COL19A1: variants seen among roughly 807,000 people sequenced by gnomAD.
The protein encoded by COL19A1 is collagen alpha-1(XIX) chain.
A neutral mutation model predicts 190.2 loss-of-function variants in COL19A1; 159 were observed. The ratio of observed to expected loss-of-function variants is 0.84; its 90% CI spans 0.73 to 0.95. The LOEUF (loss-of-function observed/expected upper bound fraction) is 0.95, where lower values mean the gene tolerates loss of function less well. Ranked by LOEUF, COL19A1 falls within the 40% of genes least tolerant of loss-of-function variation. The pLI is 0.00. For synonymous variants in COL19A1, 509 were observed against 458.9 expected, an observed-to-expected ratio of 1.11 and a Z score of -1.39; for missense variants, 1,418 against 1,431.9, an observed-to-expected ratio of 0.99 and a Z score of 0.16.
intron 9 of COL19A1, among the ~76,000 whole-genome samples, chr6:69,945,639 A>G (rs1366220931): frequency 1.3e-5 from 2 of 151,996 alleles, no homozygotes; most frequent in Non-Finnish European, 2.9e-5. Context: ...TTCTAATCCC[A>G]TATTGAATAT....
At chr6:70,171,815 A>T (rs1765517741) in intron 40 of COL19A1, 149 bp from the exon 41 acceptor site, 4 of 665,380 alleles carry the variant, frequency 6.0e-6, no homozygotes, top group Non-Finnish European at 5.4e-6. Context: ...ATAATACATT[A>T]CTTAAAAATA....
At chr6:69,908,209 G>C (rs1770686032) in intron 4 of COL19A1, among the ~76,000 whole-genome samples, 1 of 152,184 alleles carries the variant, frequency 6.6e-6, no homozygotes, top group South Asian at 2.1e-4. Flanking sequence ...CTGAAAACTT[G>C]TTCAGAACTC....
At chr6:70,060,214 A>G (rs960246213) in intron 14 of COL19A1, among the ~76,000 whole-genome samples, 1 of 152,216 alleles carries the variant, frequency 6.6e-6, no homozygotes, top group Non-Finnish European at 1.5e-5. Context: ...CAAGTTTTGA[A>G]AATAAAAATG....
At chr6:69,910,972 A>G (rs1172627577) in intron 4 of COL19A1, among the ~76,000 whole-genome samples, 1 of 152,224 alleles carries the variant, frequency 6.6e-6, no homozygotes, top group Non-Finnish European at 1.5e-5. Flanking sequence ...TCTTAAATTT[A>G]TGAATTAGAG....
chr6:70,142,819 T>C lies in COL19A1; in HGVS notation c.1625T>C (p.Val542Ala), dbSNP rs1337881663. ...SMGPRGPPGDVGLPGEHGIPG... is the reference protein window; with the variant it reads ...SMGPRGPPGDAGLPGEHGIPG... ...GGACCCAGAGGACCGCCAGGAGATG[T>C]TGTATGTATAATGTCTTTGATATTT... Residue 542 changes from valine to alanine, a missense_variant and splice_region_variant, in exon 23 of 51, where the codon GTT (valine) becomes GCT (alanine). Transcript: ENST00000620364. The C allele has an allele frequency of 6.2e-7, 1 of 1,611,820 alleles. No homozygotes were observed. Among genetic ancestry groups the C allele is most frequent in the Admixed American group, 1.7e-5 (1 of 59,784 alleles).
intron 16 of COL19A1, among the ~76,000 whole-genome samples, chr6:70,114,071 G>A (rs927738227): frequency 4.0e-5 from 6 of 151,684 alleles, no homozygotes; most frequent in Admixed American, 2.6e-4. Flanking sequence ...AGCTGGTCTC[G>A]AACTCCTGAG....
intron 14 of COL19A1, among the ~76,000 whole-genome samples, chr6:70,055,518 A>G (rs932194651): frequency 1.3e-5 from 2 of 152,096 alleles, no homozygotes; most frequent in Admixed American, 1.3e-4. Flanking sequence ...CTGGTGGCTC[A>G]TGCTTGTAAT....
chr6:69,997,014 C>T (rs866090003), intron 11 of COL19A1, among the ~76,000 whole-genome samples: 1 of 142,686 alleles, frequency 7.0e-6, no homozygotes, highest in East Asian at 2.0e-4. Context: ...TTTATATATA[C>T]ATATATATAT....
chr6:70,046,863 A>T (rs1310565916), intron 14 of COL19A1, among the ~76,000 whole-genome samples: 3 of 152,178 alleles, frequency 2.0e-5, no homozygotes, highest in African/African-American at 7.2e-5. Context: ...AGCCAAATAC[A>T]GTCAAATAAT....
intron 11 of COL19A1, among the ~76,000 whole-genome samples, chr6:69,988,688 A>G (rs796406146): frequency 5.3e-5 from 8 of 152,256 alleles, no homozygotes; most frequent in African/African-American, 1.7e-4. Flanking sequence ...GATTCAAAAC[A>G]AACCTCTTCC....
intron 48 of COL19A1, among the ~76,000 whole-genome samples, chr6:70,197,555 A>G (rs1199568820): frequency 6.6e-6 from 1 of 152,250 alleles, no homozygotes; most frequent in Non-Finnish European, 1.5e-5. Flanking sequence ...TTGATGTAAT[A>G]AAGATATTAT....
intron 11 of COL19A1, among the ~76,000 whole-genome samples, chr6:70,019,501 TATA>T (rs1778301518): frequency 6.6e-6 from 1 of 152,160 alleles, no homozygotes; most frequent in African/African-American, 2.4e-5. Context: ...TACTTAAGAA[TATA>T]ATATTTCATA....
intron 19 of COL19A1, among the ~76,000 whole-genome samples, chr6:70,138,749 A>C (rs566048068): frequency 4.0e-4 from 61 of 152,204 alleles, no homozygotes; most frequent in African/African-American, 1.4e-3. Flanking sequence ...TATGTACCCC[A>C]GTTCTTCTAC....
chr6:69,879,588 G>C lies in COL19A1; in HGVS notation c.21G>C (p.Trp7Cys). 1 of 1,614,076 alleles carries C rather than the reference G, an allele frequency of 6.2e-7. No homozygotes were observed. The highest frequency in any genetic ancestry group is 8.5e-7 in the Non-Finnish European group (1 of 1,179,980). MRLTGP[W>C]KLWLWMSIFL... ...GCACAATGAGACTCACTGGCCCTTG[G>C]AAACTTTGGCTTTGGATGTCAATAT... Residue 7 changes from tryptophan to cysteine, a missense_variant, in exon 2 of 51, where the codon TGG becomes TGC. By Grantham distance (215) the Trp-to-Cys change is radical. Coordinates refer to ENST00000620364, the MANE Select transcript of COL19A1 (RefSeq NM_001858.6).
intron 14 of COL19A1, among the ~76,000 whole-genome samples, chr6:70,056,263 A>C (rs1031104224): frequency 3.3e-5 from 5 of 152,192 alleles, no homozygotes; most frequent in African/African-American, 1.2e-4. Context: ...CTTGATTGAT[A>C]GTTTATCTGA....
intron 4 of COL19A1, among the ~76,000 whole-genome samples, chr6:69,908,360 A>G (rs1393094539): frequency 6.6e-6 from 1 of 151,942 alleles, no homozygotes; most frequent in South Asian, 2.1e-4. Flanking sequence ...ATTTTCCTAT[A>G]TAAGGATAGG....
intron 11 of COL19A1, among the ~76,000 whole-genome samples, chr6:70,003,275 G>A (rs1777389190): frequency 6.6e-6 from 1 of 152,182 alleles, no homozygotes; most frequent in African/African-American, 2.4e-5. Context: ...TTGCTGAGGA[G>A]TGTTTTACTT....
chr6:70,128,602 C>T (rs1785338476), intron 17 of COL19A1, among the ~76,000 whole-genome samples: 1 of 152,158 alleles, frequency 6.6e-6, no homozygotes, highest in African/African-American at 2.4e-5. Flanking sequence ...TAGGAGTAAA[C>T]AGGAGTTACA....
intron 1 of COL19A1, among the ~76,000 whole-genome samples, chr6:69,877,785 C>T (rs915425532): frequency 6.6e-6 from 1 of 151,978 alleles, no homozygotes; most frequent in African/African-American, 2.4e-5. Flanking sequence ...CTTTGGGAGG[C>T]CAAGGTGGGC....
Sources: gnomAD v4.1 joint callset for allele counts (sites outside exome capture counted in the v4.1 genomes callset) on GRCh38, gnomAD v4.1.1 for gene constraint, MANE v1.5 for transcripts, NCBI Gene and HGNC (gene_info 2026-07-23, HGNC 2026-07-21) for gene names.